The following PHACTR3 variants were observed in gnomAD, a reference collection of about 807,000 sequenced individuals.
PHACTR3 encodes the protein phosphatase and actin regulator 3, also known as protein phosphatase 1, regulatory subunit 123.
A neutral mutation model predicts 66.8 loss-of-function variants in PHACTR3; 16 were observed. That is an observed-to-expected ratio of 0.24 (90% CI 0.16 to 0.36). The LOEUF (loss-of-function observed/expected upper bound fraction) is 0.36, where lower values mean the gene tolerates loss of function less well. PHACTR3 is among the 10% of genes least tolerant of loss of function. PHACTR3 has a pLI of 1.00. For missense variants in PHACTR3, 647 were observed against 719.9 expected, an observed-to-expected ratio of 0.90 and a Z score of 1.16; for synonymous variants, 323 against 292.1, an observed-to-expected ratio of 1.11 and a Z score of -1.08.
intron 1 of PHACTR3, among the ~76,000 whole-genome samples, chr20:59,648,457 A>G (rs2035357581): frequency 6.6e-6 from 1 of 152,216 alleles, no homozygotes; most frequent in South Asian, 2.1e-4. Flanking sequence ...AAAGGTGGTG[A>G]TGGCAATTGG....
intron 1 of PHACTR3, among the ~76,000 whole-genome samples, chr20:59,586,005 C>T (rs530923078): frequency 2.6e-5 from 4 of 152,346 alleles, no homozygotes; most frequent in African/African-American, 7.2e-5. Context: ...ACCTTTTCTA[C>T]AAGCAGACCT....
intron 1 of PHACTR3, chr20:59,628,892 C>G (rs1368977873): frequency 7.0e-6 from 6 of 851,924 alleles, no homozygotes; most frequent in African/African-American, 1.8e-5. Flanking sequence ...ATTTTAGACT[C>G]ACGTGGGGGT....
chr20:59,805,854 G>A (rs542483267), intron 7 of PHACTR3, among the ~76,000 whole-genome samples, 187 bp from the exon 8 acceptor site: 34 of 152,346 alleles, frequency 2.2e-4, no homozygotes, highest in African/African-American at 7.7e-4. Flanking sequence ...TTACCCCTGT[G>A]TTGCCCACTG....
chr20:59,747,352 C>T (rs904117903), intron 2 of PHACTR3, among the ~76,000 whole-genome samples: 5 of 152,248 alleles, frequency 3.3e-5, no homozygotes, highest in Admixed American at 1.3e-4. Flanking sequence ...TTCGCAAAGG[C>T]GAACAGGAAC....
chr20:59,634,687 A>G (rs2034784657), intron 1 of PHACTR3, among the ~76,000 whole-genome samples: 1 of 152,264 alleles, frequency 6.6e-6, no homozygotes. Context: ...CTGTGCTTTT[A>G]TCTTCTCGGG....
chr20:59,643,635 C>T (rs1389384635), intron 1 of PHACTR3, among the ~76,000 whole-genome samples: 1 of 152,180 alleles, frequency 6.6e-6, no homozygotes, highest in African/African-American at 2.4e-5. Context: ...TGGATAAAAT[C>T]CCAGTGGGAG....
intron 8 of PHACTR3, among the ~76,000 whole-genome samples, chr20:59,823,223 G>A (rs971347804): frequency 2.6e-5 from 4 of 152,296 alleles, no homozygotes; most frequent in Non-Finnish European, 4.4e-5. Context: ...CCATCTGTCC[G>A]GAGTCAGCCA....
intron 3 of PHACTR3, 134 bp from the exon 4 acceptor site, chr20:59,755,048 T>G: frequency 1.1e-5 from 9 of 806,634 alleles, no homozygotes; most frequent in South Asian, 3.7e-5. Context: ...ACTCCTAGGG[T>G]GTGTGGTGAG....
At chr20:59,674,021 AG>A (rs1456175502) in intron 1 of PHACTR3, among the ~76,000 whole-genome samples, 1 of 152,098 alleles carries the variant, frequency 6.6e-6, no homozygotes, top group African/African-American at 2.4e-5. Context: ...TGCCTGCCCG[AG>A]GAGTCGAGCT....
At chr20:59,780,184 C>T (rs1298349221) in intron 7 of PHACTR3, among the ~76,000 whole-genome samples, 3 of 152,150 alleles carry the variant, frequency 2.0e-5, no homozygotes, top group Non-Finnish European at 4.4e-5. Flanking sequence ...TGCTGCTGCT[C>T]CTCCTGCAGA....
At chr20:59,805,971 A>T (rs2041554228) in intron 7 of PHACTR3, 70 bp from the exon 8 acceptor site, 1 of 1,515,902 alleles carries the variant, frequency 6.6e-7, no homozygotes, top group Non-Finnish European at 8.9e-7. Context: ...CTCCATTGAC[A>T]AGCCAGCCCT....
At chr20:59,626,825 T>A (rs1183611894) in intron 1 of PHACTR3, 1 of 152,238 alleles carries the variant, frequency 6.6e-6, no homozygotes, top group Non-Finnish European at 1.5e-5. Context: ...TCTTTGTGCC[T>A]GCATCACAAT....
At chr20:59,678,917 A>G (rs991971999) in intron 1 of PHACTR3, among the ~76,000 whole-genome samples, 1 of 126,426 alleles carries the variant, frequency 7.9e-6, no homozygotes, top group African/African-American at 3.0e-5. Flanking sequence ...TACAAAGGCA[A>G]TTGCAGCCCC....
intron 8 of PHACTR3, among the ~76,000 whole-genome samples, chr20:59,823,171 A>C (rs561658326): frequency 6.6e-6 from 1 of 152,308 alleles, no homozygotes; most frequent in African/African-American, 2.4e-5. Context: ...GGACTTATAT[A>C]CATGGTAAAA....
chr20:59,758,287 C>T (rs1568788708), intron 4 of PHACTR3, among the ~76,000 whole-genome samples: 1 of 152,152 alleles, frequency 6.6e-6, no homozygotes, highest in African/African-American at 2.4e-5. Flanking sequence ...AAAGTTTAAA[C>T]ATTAATAATG....
chr20:59,678,757 AT>A (rs2036539254), intron 1 of PHACTR3, among the ~76,000 whole-genome samples: 1 of 152,222 alleles, frequency 6.6e-6, no homozygotes, highest in South Asian at 2.1e-4. Flanking sequence ...GCAAAACACA[AT>A]TGATCCTTTG....
At chr20:59,628,845 A>G (rs2034560478) in intron 1 of PHACTR3, 4 of 980,766 alleles carry the variant, frequency 4.1e-6, no homozygotes, top group Non-Finnish European at 3.6e-6. Context: ...TTTGTTTTTA[A>G]TACAATTGTT....
Position 59,791,874 on chromosome 20 carries a change from C to T in PHACTR3, c.1175-14167C>T, listed in dbSNP as rs149784727. Among the ~76,000 whole-genome samples, 277 of 152,092 alleles carry T rather than the reference C, an allele frequency of 1.8e-3. 1 individual carries two copies. The highest frequency in any genetic ancestry group is 6.4e-3 in the African/African-American group (264 of 41,484). ...ACTCAGTATACATTGCTCAAAGGAG[C>T]CCCAGTGCTACTGGTTTCTTATCTG... On this transcript the variant is annotated intron_variant, in intron 7 of 12. Transcript: ENST00000371015.
chr20:59,634,019 G>A (rs185348469), intron 1 of PHACTR3, among the ~76,000 whole-genome samples: 2 of 152,066 alleles, frequency 1.3e-5, no homozygotes, highest in Non-Finnish European at 1.5e-5. Flanking sequence ...ATTTTTACAC[G>A]ATTCCTCTGC....
Sources: gnomAD v4.1 joint callset for allele counts (sites outside exome capture counted in the v4.1 genomes callset) on GRCh38, gnomAD v4.1.1 for gene constraint, MANE v1.5 for transcripts, NCBI Gene and HGNC (gene_info 2026-07-23, HGNC 2026-07-21) for gene names.